APPBP2: variants seen among roughly 807,000 people sequenced by gnomAD.
The protein encoded by APPBP2 is amyloid protein-binding protein 2.
Under a neutral mutation model 76.0 loss-of-function variants are expected in APPBP2, and 15 were observed. That is an observed-to-expected ratio of 0.20 (90% confidence interval 0.13 to 0.30). The LOEUF is 0.30. Ranked by LOEUF, APPBP2 falls within the 10% of genes least tolerant of loss-of-function variation. The pLI is 1.00. For missense variants in APPBP2, 401 were observed against 687.2 expected, an observed-to-expected ratio of 0.58 and a Z score of 4.66; for synonymous variants, 222 against 242.2, an observed-to-expected ratio of 0.92 and a Z score of 0.77.
intron 1 of APPBP2, among the ~76,000 whole-genome samples, chr17:60,512,772 T>C (rs751906846): frequency 6.3e-5 from 4 of 63,770 alleles, no homozygotes; most frequent in East Asian, 4.5e-4. Flanking sequence ...GAGGCGGAGG[T>C]TGCAGTGAGC....
In APPBP2 at chr17:60,494,059, G is replaced by A. The variant is rs115699404; in HGVS notation, c.379+407C>T. On this transcript the variant is annotated intron_variant, in intron 3 of 12. Transcript: ENST00000083182. ...TTAGAGATGGGAAAACTGAGGCTCC[G>A]AAAGGATGAAGTTCTCTGCCACAGC... Among the ~76,000 whole-genome samples, 1,198 of 152,322 alleles carry A rather than the reference G, an allele frequency of 7.9e-3. 10 individuals are homozygous for A. The highest frequency in any genetic ancestry group is 0.027 in the African/African-American group (1,103 of 41,572).
chr17:60,451,377 A>T (rs1274812460), intron 12 of APPBP2, among the ~76,000 whole-genome samples: 2 of 152,150 alleles, frequency 1.3e-5, no homozygotes, highest in Non-Finnish European at 2.9e-5. Flanking sequence ...CCTTTAGCAA[A>T]ATGTTCCAGA....
At chr17:60,458,339 CAGG>C (rs1227344823) in intron 9 of APPBP2, among the ~76,000 whole-genome samples, 1 of 151,748 alleles carries the variant, frequency 6.6e-6, no homozygotes, top group African/African-American at 2.4e-5. Flanking sequence ...GTGGCTGAGA[CAGG>C]AGAATCGCTT....
At chr17:60,455,695 AT>A (rs1190236466) in intron 10 of APPBP2, among the ~76,000 whole-genome samples, 1 of 152,220 alleles carries the variant, frequency 6.6e-6, no homozygotes, top group East Asian at 1.9e-4. Flanking sequence ...CATTTGTATT[AT>A]GCTTCCATGC....
At chr17:60,483,734 T>C (rs911919267) in intron 3 of APPBP2, among the ~76,000 whole-genome samples, 2 of 152,198 alleles carry the variant, frequency 1.3e-5, no homozygotes, top group Non-Finnish European at 2.9e-5. Flanking sequence ...TTTAGTTTAA[T>C]TAGATCCCAT....
chr17:60,526,055 G>A lies in APPBP2; in HGVS notation c.-124C>T, dbSNP rs574643628. ...GGCGGTGGCAGCCACGCGGGCGCACGGCAGAAGGCACGGCCGCCCTGCCTC... is the reference window on the plus strand; with the variant it reads ...GGCGGTGGCAGCCACGCGGGCGCACAGCAGAAGGCACGGCCGCCCTGCCTC... On this transcript the variant is annotated 5_prime_UTR_variant, in exon 1 of 13. Transcript: ENST00000083182. 5 of 965,534 alleles carry A rather than the reference G, an allele frequency of 5.2e-6. No individual in the cohort carries two copies. In the South Asian group the frequency reaches 6.7e-5, roughly 13 times the overall value. The allele number at this position is 965,534 out of a possible 1,614,324, so 59.8% of individuals were successfully genotyped here.
At chr17:60,463,049 G>A (rs1014212596) in intron 6 of APPBP2, among the ~76,000 whole-genome samples, 4 of 151,414 alleles carry the variant, frequency 2.6e-5, no homozygotes, top group African/African-American at 4.9e-5. Flanking sequence ...AATTAAAAAC[G>A]TAAGAATATC....
intron 3 of APPBP2, among the ~76,000 whole-genome samples, chr17:60,491,022 C>A (rs551561214): frequency 6.6e-6 from 1 of 152,138 alleles, no homozygotes; most frequent in East Asian, 1.9e-4. Flanking sequence ...TATAAAGATA[C>A]CTGAAAATGT....
At chr17:60,463,963 C>A in intron 6 of APPBP2, 58 bp downstream of exon 6, 1 of 1,276,972 alleles carries the variant, frequency 7.8e-7, no homozygotes, top group Non-Finnish European at 1.1e-6. Context: ...TTAATTAAAA[C>A]AAACTTAAAG....
At chr17:60,515,112 A>ATTT (rs746696162) in intron 1 of APPBP2, among the ~76,000 whole-genome samples, 8 of 106,232 alleles carry the variant, frequency 7.5e-5, no homozygotes, top group African/African-American at 1.5e-4. Context: ...CCTATTTTAA[A>ATTT]TTTTTTTTTT....
At chr17:60,504,134 A>G (rs1336804165) in intron 1 of APPBP2, among the ~76,000 whole-genome samples, 1 of 152,180 alleles carries the variant, frequency 6.6e-6, no homozygotes, top group East Asian at 1.9e-4. Flanking sequence ...AAGATTTTTA[A>G]AACTTATTTT....
intron 3 of APPBP2, among the ~76,000 whole-genome samples, chr17:60,489,790 C>A (rs1305216708): frequency 1.3e-5 from 2 of 152,016 alleles, no homozygotes; most frequent in Non-Finnish European, 2.9e-5. Context: ...AATCCCAGCA[C>A]TTTTGGTGGC....
chr17:60,485,490 A>G (rs1159980907), intron 3 of APPBP2, among the ~76,000 whole-genome samples: 1 of 152,188 alleles, frequency 6.6e-6, no homozygotes, highest in East Asian at 1.9e-4. Context: ...TTATTTGCTT[A>G]GAGGTATTTA....
chr17:60,524,044 G>A lies in APPBP2; in HGVS notation c.138+1750C>T, dbSNP rs550620202. Among the ~76,000 whole-genome samples, 8 of 152,176 alleles carry A rather than the reference G, an allele frequency of 5.3e-5. 1 individual carries two copies. In the South Asian group the frequency reaches 1.7e-3, roughly 32 times the overall value. On this transcript the variant is annotated intron_variant, in intron 1 of 12. Transcript: ENST00000083182. ...TAGCACAGTGCCATACTCCCAATAA[G>A]CATACAACTATTAAGAAGTAAAAGT...
chr17:60,502,239 C>A (rs1188332265), intron 1 of APPBP2, among the ~76,000 whole-genome samples: 1 of 152,168 alleles, frequency 6.6e-6, no homozygotes, highest in East Asian at 1.9e-4. Context: ...TATTTGCTAT[C>A]CTTATAGAGG....
chr17:60,462,883 G>A (rs1598350270), intron 6 of APPBP2, among the ~76,000 whole-genome samples: 1 of 149,918 alleles, frequency 6.7e-6, no homozygotes, highest in African/African-American at 2.5e-5. Context: ...CCTGGGGGGC[G>A]GAGCCTGCAG....
intron 3 of APPBP2, among the ~76,000 whole-genome samples, chr17:60,481,776 C>T (rs1416377614): frequency 6.6e-6 from 1 of 152,198 alleles, no homozygotes; most frequent in Non-Finnish European, 1.5e-5. Flanking sequence ...AAGACAACAG[C>T]ACAATTGTGG....
Position 60,444,649 on chromosome 17 carries a change from A to C in APPBP2, c.*2932T>G, listed in dbSNP as rs1370429071. The C allele has an allele frequency of 6.6e-6, 1 of 152,154 alleles. No homozygotes were observed. Among genetic ancestry groups the C allele is most frequent in the African/African-American group, 2.4e-5 (1 of 41,410 alleles). 9.4% of individuals were successfully genotyped at this position (152,154 alleles called of 1,614,324 possible). On this transcript the variant is annotated 3_prime_UTR_variant, in exon 13 of 13. Coordinates refer to ENST00000083182, the MANE Select transcript of APPBP2 (RefSeq NM_006380.5). Reference sequence around the variant, plus strand: ...GAGATTTGATGGTAGTAAGGGTCTCAATCCCTTTGGCAAAGTCAGCTTTGA... The same window carrying C: ...GAGATTTGATGGTAGTAAGGGTCTCCATCCCTTTGGCAAAGTCAGCTTTGA...
chr17:60,459,222 G>C (rs1436432300), intron 9 of APPBP2, among the ~76,000 whole-genome samples: 1 of 152,014 alleles, frequency 6.6e-6, no homozygotes, highest in African/African-American at 2.4e-5. Context: ...GTATAGTTTG[G>C]GTTGACAGAT....
Sources: gnomAD v4.1 joint callset for allele counts (sites outside exome capture counted in the v4.1 genomes callset) on GRCh38, gnomAD v4.1.1 for gene constraint, MANE v1.5 for transcripts, NCBI Gene and HGNC (gene_info 2026-07-23, HGNC 2026-07-21) for gene names.